SLC39A11: variants seen among roughly 807,000 people sequenced by gnomAD.
SLC39A11 encodes solute carrier family 39 member 11.
Under a neutral mutation model 36.1 loss-of-function variants are expected in SLC39A11, and 33 were observed. That is an observed-to-expected ratio of 0.91 (90% CI 0.69 to 1.22). SLC39A11 has a LOEUF of 1.22. SLC39A11 is among the 50% of genes most tolerant of loss of function. The probability of loss-of-function intolerance (pLI) is 0.00; values close to 1 mark genes in which losing one functional copy is unlikely to be tolerated. For missense variants in SLC39A11, 432 were observed against 430.3 expected (o/e 1.00, Z -0.03); for synonymous variants, 166 against 170.3 (o/e 0.97, Z 0.20).
At chr17:72,960,861 T>C (rs1055014339) in intron 4 of SLC39A11, among the ~76,000 whole-genome samples, 2 of 151,956 alleles carry the variant, frequency 1.3e-5, no homozygotes, top group South Asian at 4.2e-4. Context: ...TTCACCACAA[T>C]TTATAAAAAT....
intron 6 of SLC39A11, among the ~76,000 whole-genome samples, chr17:72,786,786 G>C (rs917719250): frequency 2.6e-5 from 4 of 152,092 alleles, no homozygotes; most frequent in African/African-American, 9.7e-5. Context: ...GGGTCCTAGA[G>C]GCAGACTCTA....
chr17:73,088,756 T>C lies in SLC39A11; in HGVS notation c.9A>G (p.Gln3=). The change falls in exon 2 of 10, where the codon CAA becomes CAG. Residue 3 remains glutamine (Q), a synonymous_variant. Coordinates refer to ENST00000255559, the MANE Select transcript of SLC39A11 (RefSeq NM_139177.4). Reference sequence around the variant, plus strand: ...AGGCCTGGAACACAGAGCTGTGGCCTTGGAGCATGCTGGATACAGCTGTGC... The same window carrying C: ...AGGCCTGGAACACAGAGCTGTGGCCCTGGAGCATGCTGGATACAGCTGTGC... ML[Q]GHSSVFQALL... The C allele has an allele frequency of 6.2e-7, 1 of 1,604,088 alleles. No individual in the cohort carries two copies. Among genetic ancestry groups the C allele is most frequent in the South Asian group, 1.1e-5 (1 of 89,142 alleles).
At position 72,922,971 on chromosome 17, in the gene SLC39A11, A is replaced by C. The variant is rs1182181902; in HGVS notation, c.430+24781T>G. ...GTGGGACTCCTTCTCAAAAAAAAAA[A>C]AAAAAAAAAAAAAAAAAAACACACA... On this transcript the variant is annotated intron_variant, in intron 5 of 9. Coordinates refer to ENST00000255559, the MANE Select transcript of SLC39A11 (RefSeq NM_139177.4). Among the ~76,000 whole-genome samples, 19 of 147,490 alleles carry C rather than the reference A, an allele frequency of 1.3e-4. 1 individual carries two copies. Among genetic ancestry groups the C allele is most frequent in the Middle Eastern group, 3.5e-3 (1 of 282 alleles).
At chr17:72,958,225 C>T (rs2452925) in intron 4 of SLC39A11, among the ~76,000 whole-genome samples, 133,461 of 152,256 alleles carry the variant, frequency 0.88, 60,600 homozygotes, top group Non-Finnish European at 0.99. Flanking sequence ...TCAAGATGGA[C>T]TAAGCACTTT....
intron 5 of SLC39A11, among the ~76,000 whole-genome samples, chr17:72,933,249 C>T (rs1349051283): frequency 6.6e-6 from 1 of 152,140 alleles, no homozygotes; most frequent in Admixed American, 6.5e-5. Flanking sequence ...AGGGCTAGCA[C>T]ATACAAAGTC....
intron 6 of SLC39A11, among the ~76,000 whole-genome samples, chr17:72,788,724 G>C (rs1284968928): frequency 6.6e-6 from 1 of 152,252 alleles, no homozygotes; most frequent in Non-Finnish European, 1.5e-5. Context: ...ACATTTAAGA[G>C]GTGATGCTCT....
chr17:72,665,403 T>G (rs555777555), intron 7 of SLC39A11, among the ~76,000 whole-genome samples: 23 of 138,096 alleles, frequency 1.7e-4, no homozygotes, highest in Middle Eastern at 3.7e-3. Context: ...TTTTTTTTTT[T>G]TTTTTTTGAG....
At chr17:72,717,515 C>G (rs2073458720) in intron 7 of SLC39A11, among the ~76,000 whole-genome samples, 1 of 152,206 alleles carries the variant, frequency 6.6e-6, no homozygotes, top group Non-Finnish European at 1.5e-5. Flanking sequence ...TGACTCTAGT[C>G]TCTGCCTCCA....
At chr17:73,033,134 G>A (rs2058792128) in intron 3 of SLC39A11, among the ~76,000 whole-genome samples, 1 of 152,154 alleles carries the variant, frequency 6.6e-6, no homozygotes, top group South Asian at 2.1e-4. Context: ...TAGGGTTCAC[G>A]TTCCTATGAG....
intron 5 of SLC39A11, among the ~76,000 whole-genome samples, chr17:72,927,255 T>C (rs1391898087): frequency 6.6e-6 from 1 of 151,944 alleles, no homozygotes; most frequent in Non-Finnish European, 1.5e-5. Flanking sequence ...AAAAATGGGG[T>C]TTCGCCATGT....
At chr17:73,046,157 C>T (rs950553623) in intron 3 of SLC39A11, among the ~76,000 whole-genome samples, 2 of 152,202 alleles carry the variant, frequency 1.3e-5, no homozygotes, top group Non-Finnish European at 2.9e-5. Flanking sequence ...ATGGAGATGA[C>T]AAACCACCCA....
At chr17:72,874,576 G>T (rs1307583919) in intron 5 of SLC39A11, among the ~76,000 whole-genome samples, 17 of 152,206 alleles carry the variant, frequency 1.1e-4, no homozygotes, top group Admixed American at 1.1e-3. Context: ...TGAACAGCCT[G>T]GTATAGGAGC....
intron 6 of SLC39A11, among the ~76,000 whole-genome samples, chr17:72,800,727 G>A (rs2077056888): frequency 6.6e-6 from 1 of 152,170 alleles, no homozygotes; most frequent in Non-Finnish European, 1.5e-5. Flanking sequence ...AAACTAAGGA[G>A]AGAGGCAGAG....
At chr17:72,900,138 GAAAAAGAAAGAAA>G (rs2082277827) in intron 5 of SLC39A11, among the ~76,000 whole-genome samples, 1 of 70,426 alleles carries the variant, frequency 1.4e-5, no homozygotes, top group Non-Finnish European at 2.4e-5. Flanking sequence ...AAGAAAGAAA[GAAAAAGAAAGAAA>G]GAAAAGAAAG....
At chr17:72,943,523 T>G (rs2085248112) in intron 5 of SLC39A11, among the ~76,000 whole-genome samples, 1 of 152,206 alleles carries the variant, frequency 6.6e-6, no homozygotes, top group African/African-American at 2.4e-5. Flanking sequence ...AAAATCTGTT[T>G]CTTACCTGAG....
At chr17:72,670,180 C>T (rs1261207631) in intron 7 of SLC39A11, among the ~76,000 whole-genome samples, 8 of 127,108 alleles carry the variant, frequency 6.3e-5, no homozygotes, top group South Asian at 2.8e-4. Context: ...CACACACACA[C>T]ACACACACAC....
At chr17:72,754,431 A>T (rs2075292114) in intron 6 of SLC39A11, among the ~76,000 whole-genome samples, 1 of 152,146 alleles carries the variant, frequency 6.6e-6, no homozygotes, top group Admixed American at 6.6e-5. Context: ...CGCTTCCCCA[A>T]AAACCTATGG....
chr17:72,732,856 T>C (rs1356263420), intron 7 of SLC39A11, among the ~76,000 whole-genome samples: 1 of 152,214 alleles, frequency 6.6e-6, no homozygotes, highest in Non-Finnish European at 1.5e-5. Flanking sequence ...TGGTACAAGA[T>C]AGAGTATAAA....
chr17:72,978,612 G>C (rs2088047689), intron 4 of SLC39A11, among the ~76,000 whole-genome samples: 3 of 152,066 alleles, frequency 2.0e-5, no homozygotes, highest in South Asian at 4.2e-4. Flanking sequence ...CAGGGCTTGG[G>C]GAGCTTCTAA....
Sources: allele counts gnomAD v4.1 joint callset (sites outside exome capture counted in the v4.1 genomes callset), GRCh38; gene constraint gnomAD v4.1.1; transcripts MANE v1.5; gene names NCBI Gene and HGNC (gene_info 2026-07-23, HGNC 2026-07-21).